Variants in PCSK2 observed in about 807,000 individuals in gnomAD.
The protein encoded by PCSK2 is proprotein convertase subtilisin/kexin type 2.
In PCSK2, 14 loss-of-function variants were observed where a neutral mutation model predicts 69.7. The ratio of observed to expected loss-of-function variants is 0.20; its 90% CI spans 0.13 to 0.31. PCSK2 has a LOEUF of 0.31. Among genes scored for constraint, PCSK2 ranks in the 10% least tolerant of loss-of-function variants. The probability of loss-of-function intolerance (pLI) is 1.00; values close to 1 mark genes in which losing one functional copy is unlikely to be tolerated. For missense variants in PCSK2, 544 were observed against 842.5 expected (o/e 0.65, Z 4.39); for synonymous variants, 307 against 320.7 (o/e 0.96, Z 0.46).
intron 5 of PCSK2, among the ~76,000 whole-genome samples, chr20:17,404,004 A>T (rs1323597691): frequency 6.6e-6 from 1 of 152,208 alleles, no homozygotes; most frequent in Non-Finnish European, 1.5e-5. Flanking sequence ...TGGGCAAATT[A>T]GAAAAGATGT....
intron 9 of PCSK2, among the ~76,000 whole-genome samples, chr20:17,456,085 C>T (rs2032914858): frequency 6.6e-6 from 1 of 152,012 alleles, no homozygotes; most frequent in Non-Finnish European, 1.5e-5. Context: ...ACTAAAATTA[C>T]AAAAATTAGC....
chr20:17,267,528 T>C (rs959510277), intron 2 of PCSK2, among the ~76,000 whole-genome samples: 12 of 152,202 alleles, frequency 7.9e-5, no homozygotes, highest in African/African-American at 2.7e-4. Context: ...ATGCCTGGCT[T>C]CCCAACTCAA....
chr20:17,299,054 T>G (rs1988990132), intron 2 of PCSK2, among the ~76,000 whole-genome samples: 1 of 152,222 alleles, frequency 6.6e-6, no homozygotes, highest in Non-Finnish European at 1.5e-5. Context: ...TTTCTAATTT[T>G]TAATGTACAG....
At chr20:17,427,268 G>A (rs2032267580) in intron 6 of PCSK2, among the ~76,000 whole-genome samples, 1 of 152,186 alleles carries the variant, frequency 6.6e-6, no homozygotes, top group Non-Finnish European at 1.5e-5. Context: ...TTCCCTAAGT[G>A]TAGTACATAT....
Position 17,453,690 on chromosome 20 carries a change from C to G in PCSK2, c.886-52C>G. On this transcript the variant is annotated intron_variant, in intron 8 of 11. Coordinates refer to ENST00000262545, the MANE Select transcript of PCSK2 (RefSeq NM_002594.5). The surrounding 1 kb of genome is among the most constrained non-coding windows in gnomAD (Gnocchi z 4.0). Reference sequence around the variant, plus strand: ...CCCTGGGCTGGAGACCTCCCCTGCCCCCTCGCAGCCCAGGCTGTGGGTAGC... The same window carrying G: ...CCCTGGGCTGGAGACCTCCCCTGCCGCCTCGCAGCCCAGGCTGTGGGTAGC... 6.2e-7 allele frequency: 1 copy of G among 1,600,670 alleles called. No homozygotes were observed. Among genetic ancestry groups the G allele is most frequent in the Non-Finnish European group, 8.5e-7 (1 of 1,175,352 alleles).
At chr20:17,299,959 G>A (rs1600465601) in intron 2 of PCSK2, among the ~76,000 whole-genome samples, 1 of 152,154 alleles carries the variant, frequency 6.6e-6, no homozygotes, top group Non-Finnish European at 1.5e-5. Flanking sequence ...TCTTCTTAGA[G>A]TCTAGGGATG....
chr20:17,374,164 G>A (rs976053151), intron 5 of PCSK2, among the ~76,000 whole-genome samples: 1 of 152,204 alleles, frequency 6.6e-6, no homozygotes, highest in Non-Finnish European at 1.5e-5. Flanking sequence ...AAGCCCCAGA[G>A]GAAGAGAGAT....
chr20:17,363,647 G>C (rs1462508795), intron 4 of PCSK2, among the ~76,000 whole-genome samples: 1 of 152,184 alleles, frequency 6.6e-6, no homozygotes, highest in African/African-American at 2.4e-5. Context: ...GAAGGCATGG[G>C]TCAAGGCCCT....
chr20:17,235,528 A>G (rs1986307253), intron 1 of PCSK2, among the ~76,000 whole-genome samples: 1 of 152,216 alleles, frequency 6.6e-6, no homozygotes, highest in Non-Finnish European at 1.5e-5. Context: ...CATCAAGAAC[A>G]TAAAGATAAT....
At chr20:17,309,543 C>A (rs1344182307) in intron 2 of PCSK2, among the ~76,000 whole-genome samples, 2 of 152,132 alleles carry the variant, frequency 1.3e-5, no homozygotes, top group Non-Finnish European at 2.9e-5. Flanking sequence ...AGATGCTGGG[C>A]ATGGCGGCTC....
chr20:17,266,175 C>T (rs535955520), intron 2 of PCSK2, among the ~76,000 whole-genome samples: 1 of 152,252 alleles, frequency 6.6e-6, no homozygotes, highest in African/African-American at 2.4e-5. Context: ...ATAAAAAGGG[C>T]GGCACTTGAG....
chr20:17,367,033 T>G (rs1404883258), intron 4 of PCSK2, among the ~76,000 whole-genome samples: 1 of 151,926 alleles, frequency 6.6e-6, no homozygotes, highest in African/African-American at 2.4e-5. Context: ...TTTAGATAAG[T>G]TCGTTTGATC....
At chr20:17,300,433 C>T (rs944259400) in intron 2 of PCSK2, among the ~76,000 whole-genome samples, 2 of 152,220 alleles carry the variant, frequency 1.3e-5, no homozygotes, top group Non-Finnish European at 2.9e-5. Context: ...AGGTCCTTGC[C>T]CAGCCTATCT....
At chr20:17,333,983 G>T (rs1990280507) in intron 2 of PCSK2, among the ~76,000 whole-genome samples, 1 of 142,240 alleles carries the variant, frequency 7.0e-6, no homozygotes, top group Non-Finnish European at 1.5e-5. Flanking sequence ...TTCACAACAT[G>T]TTCAATTCAT....
intron 2 of PCSK2, among the ~76,000 whole-genome samples, chr20:17,316,075 A>G (rs1041351496): frequency 6.6e-6 from 1 of 152,084 alleles, no homozygotes; most frequent in African/African-American, 2.4e-5. Context: ...TACCCTCTTT[A>G]AGGCTCGTTC....
At chr20:17,303,513 TATA>T (rs1281980747) in intron 2 of PCSK2, among the ~76,000 whole-genome samples, 51 of 38,366 alleles carry the variant, frequency 1.3e-3, no homozygotes, top group African/African-American at 3.4e-3. Context: ...ATATATTATA[TATA>T]ATATAATATA....
intron 2 of PCSK2, among the ~76,000 whole-genome samples, chr20:17,269,465 G>C (rs1445857908): frequency 6.6e-6 from 1 of 152,090 alleles, no homozygotes; most frequent in Non-Finnish European, 1.5e-5. Context: ...TAGTAACTTG[G>C]CCATCCCTAT....
intron 6 of PCSK2, among the ~76,000 whole-genome samples, chr20:17,415,533 G>A (rs764890974): frequency 3.3e-5 from 5 of 152,028 alleles, no homozygotes; most frequent in African/African-American, 4.8e-5. Flanking sequence ...AACAAAAGAG[G>A]ACACAAACAA....
At position 17,311,895 on chromosome 20, in the gene PCSK2, A is replaced by T. The variant is rs1394282622; in HGVS notation, c.283-46432A>T. ...TGGTATATACTCTAAATGCCATTAG[A>T]CCCAGCTTGCTCTAAAGATCTGTAG... is the stretch of plus-strand genomic sequence containing the variant. On this transcript the variant is annotated intron_variant, in intron 2 of 11. Transcript: ENST00000262545. Among the ~76,000 whole-genome samples the T allele has an allele frequency of 2.0e-5, 3 of 152,056 alleles. No individual in the cohort carries two copies. The East Asian group carries it at 5.8e-4, about 29-fold the overall frequency.
Sources: allele counts gnomAD v4.1 joint callset (sites outside exome capture counted in the v4.1 genomes callset), GRCh38; gene constraint gnomAD v4.1.1; non-coding constraint Gnocchi (gnomAD v3.1); transcripts MANE v1.5; gene names NCBI Gene and HGNC (gene_info 2026-07-23, HGNC 2026-07-21).